The following RTN1 variants were observed in gnomAD, a reference collection of about 807,000 sequenced individuals.
RTN1 encodes reticulon-1.
RTN1 carries 25 observed loss-of-function variants against 65.5 expected under a neutral mutation model. The observed-to-expected ratio is 0.38, with a 90% CI of 0.28 to 0.53. The LOEUF is 0.53. RTN1 is among the 20% of genes least tolerant of loss of function. The pLI is 0.79. For missense variants in RTN1, 983 were observed against 1,025.4 expected (o/e 0.96, Z 0.57); for synonymous variants, 471 against 447.6 (o/e 1.05, Z -0.66).
intron 3 of RTN1, among the ~76,000 whole-genome samples, chr14:59,723,005 G>C (rs562411205): frequency 6.6e-6 from 1 of 151,736 alleles, no homozygotes; most frequent in Non-Finnish European, 1.5e-5. Flanking sequence ...ATCATGTTGC[G>C]TAGTCTGGTC....
Position 59,605,355 on chromosome 14 carries a change from T to G in RTN1, c.2112+13A>C. 1 of 1,612,868 alleles carries G rather than the reference T, an allele frequency of 6.2e-7. No individual in the cohort carries two copies. The highest frequency in any genetic ancestry group is 2.2e-5 in the East Asian group (1 of 44,860). The stretch of plus-strand genomic sequence containing the variant: ...AGTCAAGACTGTGAAGTGAACAGCT[T>G]AAGCAACTATACTTTTAAGGAATCC... On this transcript the variant is annotated intron_variant, in intron 5 of 8. Transcript: ENST00000267484.
chr14:59,628,828 G>C (rs747307358), intron 3 of RTN1, among the ~76,000 whole-genome samples: 3 of 152,152 alleles, frequency 2.0e-5, no homozygotes, highest in Non-Finnish European at 2.9e-5. Flanking sequence ...AATAGATTAA[G>C]ATATTTAATT....
At chr14:59,758,664 A>C (rs1034421455) in intron 1 of RTN1, among the ~76,000 whole-genome samples, 1 of 152,246 alleles carries the variant, frequency 6.6e-6, no homozygotes, top group Non-Finnish European at 1.5e-5. Flanking sequence ...TTTGGGACTC[A>C]CTGGCTTTCC....
intron 1 of RTN1, among the ~76,000 whole-genome samples, chr14:59,787,724 T>C (rs1386356863): frequency 6.6e-6 from 1 of 152,126 alleles, no homozygotes; most frequent in Non-Finnish European, 1.5e-5. Context: ...GGCTGTTGTG[T>C]CTGGGGTCTC....
At chr14:59,669,464 G>A (rs1883454020) in intron 3 of RTN1, among the ~76,000 whole-genome samples, 1 of 152,030 alleles carries the variant, frequency 6.6e-6, no homozygotes, top group Non-Finnish European at 1.5e-5. Context: ...AGGGGGATGG[G>A]GGCCTGGGGG....
rs1198029406 is a variant in RTN1, at chr14:59,620,327, G to A, written c.1766-12835C>T. Among the ~76,000 whole-genome samples the A allele has an allele frequency of 7.2e-5, 11 of 152,198 alleles. No individual in the cohort carries two copies. In the East Asian group the frequency reaches 1.2e-3, roughly 16 times the overall value. ...TCCTGAGACTAAGTAGATTAAGGGC[G>A]GGGCTTGAAGAGGGTAGGAAAAGTC... On this transcript the variant is annotated intron_variant, in intron 3 of 8. Coordinates refer to ENST00000267484, the MANE Select transcript of RTN1 (RefSeq NM_021136.3).
At chr14:59,659,026 A>G (rs549356131) in intron 3 of RTN1, among the ~76,000 whole-genome samples, 1 of 152,314 alleles carries the variant, frequency 6.6e-6, no homozygotes, top group African/African-American at 2.4e-5. Flanking sequence ...TAACCAGTTT[A>G]CAGAAGAACA....
At chr14:59,678,205 G>C (rs1386860538) in intron 3 of RTN1, among the ~76,000 whole-genome samples, 1 of 152,172 alleles carries the variant, frequency 6.6e-6, no homozygotes, top group Non-Finnish European at 1.5e-5. Context: ...TTAGGCAGTG[G>C]TGGTAGGGGT....
chr14:59,612,092 T>C (rs1881968142), intron 3 of RTN1, among the ~76,000 whole-genome samples: 1 of 152,212 alleles, frequency 6.6e-6, no homozygotes, highest in Non-Finnish European at 1.5e-5. Flanking sequence ...GTTTCAGCTT[T>C]TCCAGGCTGA....
At chr14:59,795,652 C>T (rs1335653092) in intron 1 of RTN1, among the ~76,000 whole-genome samples, 1 of 152,144 alleles carries the variant, frequency 6.6e-6, no homozygotes, top group Non-Finnish European at 1.5e-5. Flanking sequence ...GCTGCATTCA[C>T]CTCTAGAGTT....
chr14:59,661,909 G>A (rs1883256738), intron 3 of RTN1, among the ~76,000 whole-genome samples: 7 of 152,150 alleles, frequency 4.6e-5, no homozygotes, highest in Admixed American at 3.9e-4. Flanking sequence ...AGGGCAATCA[G>A]GCAAGAGAAA....
chr14:59,814,137 C>T (rs1349084991), intron 1 of RTN1, among the ~76,000 whole-genome samples: 1 of 152,106 alleles, frequency 6.6e-6, no homozygotes. Context: ...GGTTGCTGTA[C>T]CCTCAGATAT....
intron 3 of RTN1, among the ~76,000 whole-genome samples, chr14:59,620,037 G>A (rs1333759130): frequency 2.6e-5 from 4 of 152,030 alleles, no homozygotes; most frequent in Non-Finnish European, 4.4e-5. Context: ...ACCTAGGAAT[G>A]TTAGAGGGAA....
intron 3 of RTN1, among the ~76,000 whole-genome samples, chr14:59,623,476 G>T (rs1222669558): frequency 6.6e-6 from 1 of 152,238 alleles, no homozygotes; most frequent in East Asian, 1.9e-4. Flanking sequence ...ATCTTCACAG[G>T]ATAACCGGGA....
chr14:59,617,832 C>G (rs953703337), intron 3 of RTN1, among the ~76,000 whole-genome samples: 3 of 152,216 alleles, frequency 2.0e-5, no homozygotes, highest in African/African-American at 7.2e-5. Context: ...CATGAGTACG[C>G]TCAGACAGTT....
chr14:59,692,452 T>C (rs752299836), intron 3 of RTN1, among the ~76,000 whole-genome samples: 1 of 152,276 alleles, frequency 6.6e-6, no homozygotes. Context: ...TGCTCATGGA[T>C]TGGAAGAATC....
chr14:59,859,914 G>A (rs1195199433), intron 1 of RTN1, among the ~76,000 whole-genome samples: 1 of 152,212 alleles, frequency 6.6e-6, no homozygotes, highest in Non-Finnish European at 1.5e-5. Context: ...AAGCAGCAAA[G>A]CATTCAAGAT....
chr14:59,854,575 A>G (rs1050484987), intron 1 of RTN1, among the ~76,000 whole-genome samples: 3 of 131,876 alleles, frequency 2.3e-5, no homozygotes, highest in African/African-American at 5.8e-5. Context: ...CAGGAGGTGG[A>G]GGCTGCAGTG....
chr14:59,867,314 T>A (rs1887817062), intron 1 of RTN1, among the ~76,000 whole-genome samples: 1 of 152,204 alleles, frequency 6.6e-6, no homozygotes, highest in Non-Finnish European at 1.5e-5. Flanking sequence ...TTGTATAAAG[T>A]TATTAGATGA....
Sources: allele counts gnomAD v4.1 joint callset (sites outside exome capture counted in the v4.1 genomes callset), GRCh38; gene constraint gnomAD v4.1.1; transcripts MANE v1.5; gene names NCBI Gene and HGNC (gene_info 2026-07-23, HGNC 2026-07-21).